The following ZNF770 variants were observed in gnomAD, a reference collection of about 807,000 sequenced individuals.
The protein encoded by ZNF770 is zinc finger protein 770.
ZNF770 carries 13 observed loss-of-function variants against 44.8 expected under a neutral mutation model. The ratio of observed to expected loss-of-function variants is 0.29; its 90% CI spans 0.19 to 0.46. The LOEUF is 0.46. Ranked by LOEUF, ZNF770 falls within the 20% of genes least tolerant of loss-of-function variation. The probability of loss-of-function intolerance (pLI) is 1.00; values close to 1 mark genes in which losing one functional copy is unlikely to be tolerated. For missense variants in ZNF770, 681 were observed against 797.9 expected (o/e 0.85, Z 1.77); for synonymous variants, 304 against 271.8 (o/e 1.12, Z -1.17).
intron 2 of ZNF770, among the ~76,000 whole-genome samples, chr15:34,985,666 AG>A (rs1214476054): frequency 1.3e-5 from 2 of 152,156 alleles, no homozygotes; most frequent in Non-Finnish European, 2.9e-5. Context: ...AGGCCGAGGC[AG>A]GGGATCACCT....
Position 34,982,359 on chromosome 15 carries a change from T to G in ZNF770, c.1076A>C (p.Lys359Thr). ...TCTCAAGAAACTCTTTTTAAATACT[T>G]TTTTCTCAGATTGAAAGTTATCTAA... Reference protein sequence around the residue: ...KKLDNFQSEKKVFKKSFLRNC... With the variant: ...KKLDNFQSEKTVFKKSFLRNC... Residue 359 changes from lysine to threonine, a missense_variant, in exon 3 of 3, where the codon AAA becomes ACA. Coordinates refer to ENST00000356321, the MANE Select transcript of ZNF770 (RefSeq NM_014106.4). The G allele has an allele frequency of 6.2e-7, 1 of 1,607,896 alleles. No individual in the cohort carries two copies. Among genetic ancestry groups the G allele is most frequent in the Non-Finnish European group, 8.5e-7 (1 of 1,178,120 alleles).
chr15:34,981,308 G>T lies in ZNF770; in HGVS notation c.*51C>A, dbSNP rs1250473487. ...TAAAAATGCATTTTAAATAATACAG[G>T]CTTTAAAAATAAGATCACCAGAGAC... On this transcript the variant is annotated 3_prime_UTR_variant, in exon 3 of 3. Transcript: ENST00000356321. 5 of 1,501,194 alleles carry T rather than the reference G, an allele frequency of 3.3e-6. No homozygotes were observed. The highest frequency in any genetic ancestry group is 4.4e-6 in the Non-Finnish European group (5 of 1,129,984). 93.0% of individuals were successfully genotyped at this position (1,501,194 alleles called of 1,614,324 possible). A position where few individuals can be genotyped will look rare whatever the true frequency, so the allele number is the denominator to read the frequency against.
chr15:34,987,798 G>C (rs1260041995), intron 1 of ZNF770, 125 bp from the exon 2 acceptor site: 1 of 152,140 alleles, frequency 6.6e-6, no homozygotes, highest in Non-Finnish European at 1.5e-5. Context: ...GACTACACTG[G>C]ACAAAGGACA....
At position 34,981,856 on chromosome 15, in the gene ZNF770, CATTAT is replaced by C; in HGVS notation, c.1574_1578del (p.His525ArgfsTer21). 6.2e-7 allele frequency: 1 copy of C among 1,613,872 alleles called. No individual in the cohort carries two copies. The highest frequency in any genetic ancestry group is 8.5e-7 in the Non-Finnish European group (1 of 1,180,008). ...CAAAGAGATGCATAAGGACTCTTTT[CATTAT>C]GAGTCTGTTCATGTCTTTTTAAGTG... On this transcript the variant is annotated frameshift_variant, in exon 3 of 3. Coordinates refer to ENST00000356321, the MANE Select transcript of ZNF770 (RefSeq NM_014106.4). LOFTEE classifies it high-confidence loss of function.
At chr15:34,985,364 C>A (rs1284376177) in intron 2 of ZNF770, among the ~76,000 whole-genome samples, 1 of 152,088 alleles carries the variant, frequency 6.6e-6, no homozygotes, top group South Asian at 2.1e-4. Context: ...GTCAGCTGAT[C>A]TGGCAAACAT....
chr15:34,985,684 A>T (rs1354868168), intron 2 of ZNF770, among the ~76,000 whole-genome samples: 1 of 152,134 alleles, frequency 6.6e-6, no homozygotes, highest in African/African-American at 2.4e-5. Context: ...ACCTGAGGTC[A>T]GGAGTTCGAG....
chr15:34,983,260 C>A lies in ZNF770; in HGVS notation c.175G>T (p.Val59Leu). 2 of 1,613,038 alleles carry A rather than the reference C, an allele frequency of 1.2e-6. No individual in the cohort carries two copies. The highest frequency in any genetic ancestry group is 1.7e-6 in the Non-Finnish European group (2 of 1,179,188). ...HTGQKPFECD[V>L]CHKTFRQLVH... ...AGTTGTCTAAAGGTTTTATGACACA[C>A]ATCACATTCAAATGGCTTTTGACCA... The change falls in exon 3 of 3, where the codon GTG becomes TTG. Residue 59 changes from valine to leucine, a missense_variant. Val to Leu is a conservative substitution (Grantham distance 32). This residue lies in a region of ZNF770 where 65 missense variants were observed against 115.0 expected (regional missense o/e 0.57). Transcript: ENST00000356321.
At chr15:34,986,044 T>C in intron 2 of ZNF770, among the ~76,000 whole-genome samples, 1 of 152,060 alleles carries the variant, frequency 6.6e-6, no homozygotes, top group South Asian at 2.1e-4. Context: ...GTTCTTAACA[T>C]GCCTCTTCAT....
At chr15:34,986,486 T>C (rs976222748) in intron 2 of ZNF770, among the ~76,000 whole-genome samples, 6 of 152,148 alleles carry the variant, frequency 3.9e-5, no homozygotes, top group African/African-American at 1.2e-4. Flanking sequence ...ATGAATCCAG[T>C]GAACTGCAAA....
chr15:34,982,546 G>C lies in ZNF770; in HGVS notation c.889C>G (p.Pro297Ala), dbSNP rs1184278286. The C allele has an allele frequency of 6.2e-7, 1 of 1,613,734 alleles. No individual in the cohort carries two copies. The highest frequency in any genetic ancestry group is 1.3e-5 in the African/African-American group (1 of 74,864). Residue 297 changes from proline to alanine, a missense_variant, in exon 3 of 3, where the codon CCA (proline) becomes GCA (alanine). Physicochemically the swap from Pro to Ala is conservative, Grantham distance 27. Coordinates refer to ENST00000356321, the MANE Select transcript of ZNF770 (RefSeq NM_014106.4). ...HSIYIVPFQC[P>A]KCEKCFESEQ... is the part of the protein sequence containing the mutation. Reference sequence around the variant, plus strand: ...GATTCAAAACACTTTTCACACTTTGGACATTGAAAAGGGACAATATAAATT... The same window carrying C: ...GATTCAAAACACTTTTCACACTTTGCACATTGAAAAGGGACAATATAAATT...
In ZNF770 at chr15:34,982,327, C is replaced by A; in HGVS notation, c.1108G>T (p.Asp370Tyr). 1.2e-6 allele frequency: 2 copies of A among 1,608,874 alleles called. No individual in the cohort carries two copies. Among genetic ancestry groups the A allele is most frequent in the Non-Finnish European group, 1.7e-6 (2 of 1,178,688 alleles). Residue 370 changes from aspartate to tyrosine, a missense_variant, in exon 3 of 3, where the codon GAT (aspartate) becomes TAT (tyrosine). Physicochemically the swap from Asp to Tyr is radical, Grantham distance 160. Around this residue, in one of 5 missense-constraint regions of ZNF770, gnomAD observed 432 missense variants for 434.1 expected, o/e 1.00. Coordinates refer to ENST00000356321, the MANE Select transcript of ZNF770 (RefSeq NM_014106.4). The part of the protein sequence containing the change: ...VFKKSFLRNC[D>Y]LISGEQSSEQ... ...GAGCTCTGCTCACCAGAAATAAGATCACAATTTCTCAAGAAACTCTTTTTA... is the reference window on the plus strand; with the variant it reads ...GAGCTCTGCTCACCAGAAATAAGATAACAATTTCTCAAGAAACTCTTTTTA...
chr15:34,982,685 C>T lies in ZNF770; in HGVS notation c.750G>A (p.Lys250=). Residue 250 remains lysine, a synonymous_variant, in exon 3 of 3, where the codon AAG becomes AAA. Transcript: ENST00000356321. ...RNKAFRALLL[K]KRRTESRPLP... ...GGGGGCGAGATTCTGTACGCCTCTT[C>T]TTTAATAAAAGAGCCCGAAAAGCCT... is the stretch of plus-strand genomic sequence containing the variant. 2.5e-6 allele frequency: 4 copies of T among 1,612,650 alleles called. No individual in the cohort carries two copies. The highest frequency in any genetic ancestry group is 1.1e-5 in the South Asian group (1 of 90,980).
In ZNF770 at chr15:34,981,956, G is replaced by A. The variant is rs1381457530; in HGVS notation, c.1479C>T (p.His493=). Residue 493 remains histidine (H), a synonymous_variant, in exon 3 of 3, where the codon CAC becomes CAT. Coordinates refer to ENST00000356321, the MANE Select transcript of ZNF770 (RefSeq NM_014106.4). ...VFPSISKLKR[H]YLIHTGQRPF... Reference sequence around the variant, plus strand: ...GCCTCTGTCCAGTATGAATTAAATAGTGTCTTTTTAGTTTGGATATAGAAG... The same window carrying A: ...GCCTCTGTCCAGTATGAATTAAATAATGTCTTTTTAGTTTGGATATAGAAG... 3 of 1,613,842 alleles carry A rather than the reference G, an allele frequency of 1.9e-6. No homozygotes were observed. Among genetic ancestry groups the A allele is most frequent in the Non-Finnish European group, 2.5e-6 (3 of 1,180,000 alleles).
rs760396768 is a variant in ZNF770, at chr15:34,983,144, C to G, written c.291G>C (p.Val97=). The change falls in exon 3 of 3, where the codon GTG becomes GTC. Residue 97 remains valine (V), a synonymous_variant. Coordinates refer to ENST00000356321, the MANE Select transcript of ZNF770 (RefSeq NM_014106.4). ...QRHFKNLKTF[V]KHQQLHNETY... ...TTTCATTGTGAAGTTGTTGGTGCTTCACAAATGTCTTCAGATTTTTAAAGT... is the reference window on the plus strand; with the variant it reads ...TTTCATTGTGAAGTTGTTGGTGCTTGACAAATGTCTTCAGATTTTTAAAGT... 6 of 1,613,936 alleles carry G rather than the reference C, an allele frequency of 3.7e-6. No homozygotes were observed. In the Admixed American group the frequency reaches 5.0e-5, roughly 13 times the overall value.
At position 34,979,727 on chromosome 15, in the gene ZNF770, C is replaced by T; in HGVS notation, c.*1632G>A. ...GCAAAACTTACAATTGTTCATTTAT[C>T]CACATTCTCAATAGAGGATTTTCCA... On this transcript the variant is annotated 3_prime_UTR_variant, in exon 3 of 3. Coordinates refer to ENST00000356321, the MANE Select transcript of ZNF770 (RefSeq NM_014106.4). 2.3e-6 allele frequency: 1 copy of T among 442,202 alleles called. No individual in the cohort carries two copies. The highest frequency in any genetic ancestry group is 4.5e-6 in the Non-Finnish European group (1 of 221,542). 27.4% of individuals were successfully genotyped at this position (442,202 alleles called of 1,614,324 possible).
Position 34,982,632 on chromosome 15 carries a change from C to A in ZNF770, c.803G>T (p.Gly268Val). The A allele has an allele frequency of 1.9e-6, 3 of 1,613,014 alleles. No homozygotes were observed. The highest frequency in any genetic ancestry group is 4.5e-5 in the East Asian group (2 of 44,874). The change falls in exon 3 of 3, where the codon GGT (glycine) becomes GTT (valine). Residue 268 changes from glycine (G) to valine (V), a missense_variant. Physicochemically the swap from Gly to Val is moderately radical, Grantham distance 109. Transcript: ENST00000356321. Reference sequence around the variant, plus strand: ...ACCAATCTCACCATTTTCAAAACCACCCTGATTTGCATTTAACTTATTAGG... The same window carrying A: ...ACCAATCTCACCATTTTCAAAACCAACCTGATTTGCATTTAACTTATTAGG... Reference protein sequence around the residue: ...PLPNKLNANQGGFENGEIGES... With the variant: ...PLPNKLNANQVGFENGEIGES...
At chr15:34,987,131 T>C (rs2050439981) in intron 2 of ZNF770, among the ~76,000 whole-genome samples, 1 of 152,218 alleles carries the variant, frequency 6.6e-6, no homozygotes, top group African/African-American at 2.4e-5. Context: ...AAGAAAAAAA[T>C]CACACACCAC....
At chr15:34,984,557 C>T (rs1029144584) in intron 2 of ZNF770, among the ~76,000 whole-genome samples, 2 of 151,120 alleles carry the variant, frequency 1.3e-5, no homozygotes, top group Non-Finnish European at 2.9e-5. Context: ...ACTCAGGAGG[C>T]TGAGGCAGGA....
At position 34,981,818 on chromosome 15, in the gene ZNF770, A is replaced by T. The variant is rs377007354; in HGVS notation, c.1617T>A (p.Phe539Leu). 1.0e-4 allele frequency: 168 copies of T among 1,614,114 alleles called. No homozygotes were observed. Among genetic ancestry groups the T allele is most frequent in the Non-Finnish European group, 1.3e-4 (157 of 1,180,028 alleles). Reference sequence around the variant, plus strand: ...GATTAGAAAGATTGTTGAAGTTTCCAAATTCTACTTGGCAAAGAGATGCAT... The same window carrying T: ...GATTAGAAAGATTGTTGAAGTTTCCTAATTCTACTTGGCAAAGAGATGCAT... ...SPYASLCQVE[F>L]GNFNNLSNHS... The change falls in exon 3 of 3, where the codon TTT becomes TTA. Residue 539 changes from phenylalanine to leucine, a missense_variant. By Grantham distance (22) the Phe-to-Leu change is conservative. This residue lies in a region of ZNF770 where 148 missense variants were observed against 191.0 expected (regional missense o/e 0.77). Coordinates refer to ENST00000356321, the MANE Select transcript of ZNF770 (RefSeq NM_014106.4).
Sources: gnomAD v4.1 joint callset for allele counts (sites outside exome capture counted in the v4.1 genomes callset) on GRCh38, gnomAD v4.1.1 for gene constraint, gnomAD v4.1.1 regional missense constraint, MANE v1.5 for transcripts, NCBI Gene and HGNC (gene_info 2026-07-23, HGNC 2026-07-21) for gene names.